Variants in ADAMTS12 observed in about 807,000 individuals in gnomAD.
ADAMTS12 encodes A disintegrin and metalloproteinase with thrombospondin motifs 12.
A neutral mutation model predicts 167.8 loss-of-function variants in ADAMTS12; 118 were observed. The ratio of observed to expected loss-of-function variants is 0.70; its 90% CI spans 0.61 to 0.82. The LOEUF is 0.82. Among genes scored for constraint, ADAMTS12 ranks in the 40% least tolerant of loss-of-function variants. The pLI is 0.00. For missense variants in ADAMTS12, 1,916 were observed against 1,998.8 expected, an observed-to-expected ratio of 0.96 and a Z score of 0.79; for synonymous variants, 704 against 716.9, an observed-to-expected ratio of 0.98 and a Z score of 0.29.
At chr5:33,788,393 G>A (rs376189154) in intron 2 of ADAMTS12, among the ~76,000 whole-genome samples, 8 of 152,032 alleles carry the variant, frequency 5.3e-5, no homozygotes, top group Non-Finnish European at 1.0e-4. Flanking sequence ...AAGAGGGAAC[G>A]AAAGAGGGGA....
intron 3 of ADAMTS12, among the ~76,000 whole-genome samples, chr5:33,713,362 C>G (rs1429115301): frequency 1.5e-5 from 2 of 135,172 alleles, no homozygotes; most frequent in East Asian, 4.1e-4. Flanking sequence ...CACCAACATA[C>G]AAAGTAACTT....
intron 2 of ADAMTS12, among the ~76,000 whole-genome samples, chr5:33,815,944 T>C (rs1241110319): frequency 1.3e-5 from 2 of 152,192 alleles, no homozygotes; most frequent in African/African-American, 4.8e-5. Flanking sequence ...TGCTCTCTCA[T>C]GGGTCCTCCT....
At chr5:33,652,090 G>A (rs191899477) in intron 7 of ADAMTS12, among the ~76,000 whole-genome samples, 4 of 152,174 alleles carry the variant, frequency 2.6e-5, no homozygotes, top group Admixed American at 1.3e-4. Context: ...ATAAACATAC[G>A]AGTGCAGGTA....
intron 2 of ADAMTS12, among the ~76,000 whole-genome samples, chr5:33,804,793 C>T (rs1747158921): frequency 6.6e-6 from 1 of 152,194 alleles, no homozygotes; most frequent in African/African-American, 2.4e-5. Context: ...ACCTGATCCG[C>T]TCACCATCCC....
intron 2 of ADAMTS12, among the ~76,000 whole-genome samples, chr5:33,831,892 G>A (rs975539714): frequency 6.6e-6 from 1 of 152,178 alleles, no homozygotes; most frequent in African/African-American, 2.4e-5. Flanking sequence ...AGCTAGAAGT[G>A]GGGAGGTCCT....
At chr5:33,580,250 C>G (rs1436860508) in intron 18 of ADAMTS12, among the ~76,000 whole-genome samples, 2 of 152,186 alleles carry the variant, frequency 1.3e-5, no homozygotes, top group South Asian at 2.1e-4. Context: ...GTTTAATTGA[C>G]TCACAGTTCT....
intron 13 of ADAMTS12, among the ~76,000 whole-genome samples, chr5:33,629,142 T>G (rs1020194229): frequency 1.3e-5 from 2 of 152,218 alleles, no homozygotes; most frequent in Non-Finnish European, 2.9e-5. Context: ...GGCTGAGGAC[T>G]TTAGTCACTG....
intron 20 of ADAMTS12, among the ~76,000 whole-genome samples, chr5:33,554,869 C>T (rs1745419955): frequency 6.6e-6 from 1 of 152,176 alleles, no homozygotes; most frequent in African/African-American, 2.4e-5. Context: ...TAAGGAAAGG[C>T]TGTCACTTTC....
chr5:33,699,676 C>T (rs1053814575), intron 3 of ADAMTS12, among the ~76,000 whole-genome samples: 2 of 152,220 alleles, frequency 1.3e-5, no homozygotes, highest in African/African-American at 4.8e-5. Context: ...CTAAAAGCCA[C>T]CAGATTGTTG....
intron 20 of ADAMTS12, among the ~76,000 whole-genome samples, chr5:33,555,517 G>A (rs961403447): frequency 6.6e-6 from 1 of 152,100 alleles, no homozygotes; most frequent in Non-Finnish European, 1.5e-5. Context: ...CCAAAGTGCT[G>A]GGATTATAGG....
intron 2 of ADAMTS12, among the ~76,000 whole-genome samples, chr5:33,839,028 T>C (rs780934251): frequency 5.3e-5 from 8 of 152,210 alleles, no homozygotes; most frequent in Non-Finnish European, 8.8e-5. Context: ...CTTCCTTTGA[T>C]CGCAGTTCCC....
chr5:33,531,821 T>A (rs1744114948), intron 23 of ADAMTS12, among the ~76,000 whole-genome samples: 1 of 152,156 alleles, frequency 6.6e-6, no homozygotes, highest in Non-Finnish European at 1.5e-5. Context: ...GGAGCCTGGA[T>A]ACATGCAAGG....
At chr5:33,815,306 C>T (rs567117566) in intron 2 of ADAMTS12, among the ~76,000 whole-genome samples, 4 of 152,200 alleles carry the variant, frequency 2.6e-5, no homozygotes, top group East Asian at 1.9e-4. Flanking sequence ...ATGTGGAGGC[C>T]GGGCCTTTGG....
intron 2 of ADAMTS12, among the ~76,000 whole-genome samples, chr5:33,802,173 G>A (rs1056659391): frequency 1.3e-5 from 2 of 152,188 alleles, no homozygotes; most frequent in African/African-American, 4.8e-5. Flanking sequence ...CCAGCCTCCA[G>A]TACTGTGAGA....
chr5:33,721,655 G>GC (rs1743811132), intron 3 of ADAMTS12, among the ~76,000 whole-genome samples: 1 of 152,216 alleles, frequency 6.6e-6, no homozygotes, highest in African/African-American at 2.4e-5. Flanking sequence ...GCAAACGCTT[G>GC]CCCCGAGCCT....
intron 23 of ADAMTS12, 73 bp downstream of exon 23, chr5:33,534,760 T>C: frequency 5.9e-6 from 9 of 1,518,946 alleles, no homozygotes; most frequent in Non-Finnish European, 7.9e-6. Flanking sequence ...TGTAAAGCTA[T>C]CTACAAGTTG....
intron 19 of ADAMTS12, 54 bp from the exon 20 acceptor site, chr5:33,561,233 T>C (rs968106356): frequency 8.2e-6 from 13 of 1,588,920 alleles, no homozygotes; most frequent in South Asian, 2.2e-5. Flanking sequence ...TTCTCACACA[T>C]GCCCCATCAC....
intron 3 of ADAMTS12, among the ~76,000 whole-genome samples, chr5:33,688,359 A>T (rs201566376): frequency 1.1e-5 from 1 of 92,776 alleles, no homozygotes; most frequent in Non-Finnish European, 2.3e-5. Flanking sequence ...GGACAGTGAA[A>T]TGATTTTCCT....
At chr5:33,586,987 C>T (rs1747386456) in intron 18 of ADAMTS12, among the ~76,000 whole-genome samples, 1 of 151,638 alleles carries the variant, frequency 6.6e-6, no homozygotes, top group South Asian at 2.1e-4. Flanking sequence ...TTTCTGGATC[C>T]CATCTCTCCC....
Sources: gnomAD v4.1 joint callset for allele counts (sites outside exome capture counted in the v4.1 genomes callset) on GRCh38, gnomAD v4.1.1 for gene constraint, MANE v1.5 for transcripts, NCBI Gene and HGNC (gene_info 2026-07-23, HGNC 2026-07-21) for gene names.